Variants in RPL26L1 observed in about 807,000 individuals in gnomAD.
RPL26L1 encodes the protein ribosomal protein L26 like 1, also known as ribosomal protein uL24-like.
A neutral mutation model predicts 15.2 loss-of-function variants in RPL26L1; 8 were observed. That is an observed-to-expected ratio of 0.53 (90% CI 0.31 to 0.95). The LOEUF is 0.95. Among genes scored for constraint, RPL26L1 ranks in the 40% least tolerant of loss-of-function variants. The pLI is 0.05. For synonymous variants in RPL26L1, 51 were observed against 65.9 expected (o/e 0.77, Z 1.09); for missense variants, 146 against 190.9 (o/e 0.76, Z 1.39).
At chr5:172,955,102 A>G (rs1017456090), upstream of RPL26L1, 55 of 440,198 alleles carry the variant, frequency 1.2e-4, no homozygotes, top group Admixed American at 1.4e-3. Context: ...GTGTGGCACT[A>G]GAGTTCATAA....
At chr5:172,964,300 T>TTTTTTTTTC in intron 2 of RPL26L1, among the ~76,000 whole-genome samples, 2 of 143,250 alleles carry the variant, frequency 1.4e-5, no homozygotes, top group East Asian at 4.1e-4. Flanking sequence ...TTTTTTTTTT[T>TTTTTTTTTC]TTGAGACAGA....
upstream of RPL26L1, chr5:172,955,411 G>A (rs991211012): frequency 3.6e-5 from 6 of 168,924 alleles, no homozygotes; most frequent in South Asian, 8.7e-4. Context: ...TTACAGGCGT[G>A]AGCCACTGCG....
At chr5:172,960,147 G>A in intron 2 of RPL26L1, 106 bp downstream of exon 2, 1 of 1,342,592 alleles carries the variant, frequency 7.4e-7, no homozygotes, top group Non-Finnish European at 1.1e-6. Context: ...AAAGTAGTGT[G>A]ACCCTTCAGA....
At chr5:172,959,271 A>G (rs1391009869), upstream of RPL26L1, 5 of 575,434 alleles carry the variant, frequency 8.7e-6, no homozygotes, top group African/African-American at 1.0e-4. Flanking sequence ...GCCCTACACA[A>G]GCAGGCCCTT....
intron 2 of RPL26L1, among the ~76,000 whole-genome samples, chr5:172,966,863 T>G (rs1158175023): frequency 1.4e-5 from 2 of 140,764 alleles, no homozygotes; most frequent in East Asian, 2.1e-4. Context: ...TACCTGGTGG[T>G]TTTTTTTTTT....
chr5:172,954,728 G>T, upstream of RPL26L1: 1 of 343,964 alleles, frequency 2.9e-6, no homozygotes, highest in South Asian at 2.3e-5. Context: ...TCTCTGTAAG[G>T]TAGAGCCTTA....
At chr5:172,967,467 A>AAAATAAAT (rs568434838) in intron 2 of RPL26L1, among the ~76,000 whole-genome samples, 5 of 151,958 alleles carry the variant, frequency 3.3e-5, no homozygotes, top group South Asian at 4.2e-4. Context: ...CTCCGTGTCA[A>AAAATAAAT]AAATAAATAA....
upstream of RPL26L1, chr5:172,959,408 C>A (rs1005873725): frequency 1.0e-6 from 1 of 1,004,806 alleles, no homozygotes; most frequent in Non-Finnish European, 1.2e-6. Flanking sequence ...TCTGCGCTTG[C>A]GCGGCACGGA....
At chr5:172,966,234 C>T (rs1220938145) in intron 2 of RPL26L1, among the ~76,000 whole-genome samples, 1 of 151,386 alleles carries the variant, frequency 6.6e-6, no homozygotes, top group Non-Finnish European at 1.5e-5. Context: ...GACTCAACCT[C>T]CTGGGTTCAA....
At chr5:172,969,290 C>A in intron 3 of RPL26L1, 123 bp from the exon 4 acceptor site, 3 of 980,428 alleles carry the variant, frequency 3.1e-6, no homozygotes, top group Non-Finnish European at 4.6e-6. Flanking sequence ...GGTCTGTTTT[C>A]CTTCCAGAGT....
At chr5:172,958,528 C>T (rs1022773961), upstream of RPL26L1, 44 of 424,464 alleles carry the variant, frequency 1.0e-4, no homozygotes, top group Middle Eastern at 4.9e-4. Context: ...CCCGTCGGTT[C>T]TTAACCCGAA....
At chr5:172,957,385 T>C (rs1407673723), upstream of RPL26L1, 1 of 400,188 alleles carries the variant, frequency 2.5e-6, no homozygotes, top group Non-Finnish European at 5.0e-6. Flanking sequence ...TACTCCTTGA[T>C]GATCTTGGGT....
At chr5:172,960,687 T>C (rs1338565461) in intron 2 of RPL26L1, among the ~76,000 whole-genome samples, 3 of 152,106 alleles carry the variant, frequency 2.0e-5, no homozygotes, top group Non-Finnish European at 4.4e-5. Context: ...CCCTCTGTTC[T>C]CTGTGATTGG....
chr5:172,962,504 T>A (rs1755270094), intron 2 of RPL26L1, among the ~76,000 whole-genome samples: 1 of 149,724 alleles, frequency 6.7e-6, no homozygotes, highest in African/African-American at 2.5e-5. Flanking sequence ...TGAGACTCTG[T>A]CTCAAAAACA....
At chr5:172,958,186 C>T (rs1374102224), upstream of RPL26L1, 1 of 360,776 alleles carries the variant, frequency 2.8e-6, no homozygotes, top group Non-Finnish European at 5.5e-6. Context: ...ATCGCTTGAA[C>T]TTGGGAGGCG....
Position 172,960,056 on chromosome 5 carries a change from G to A in RPL26L1, c.168+15G>A. On this transcript the variant is annotated intron_variant, in intron 2 of 3. Coordinates refer to ENST00000265100, the MANE Select transcript of RPL26L1 (RefSeq NM_016093.4). Reference sequence around the variant, plus strand: ...ACGAGGTCCAGGTACGTCTCCCTCCGGCGCTAGTGGCGCTCGGACACCGTT... The same window carrying A: ...ACGAGGTCCAGGTACGTCTCCCTCCAGCGCTAGTGGCGCTCGGACACCGTT... 1 of 1,613,748 alleles carries A rather than the reference G, an allele frequency of 6.2e-7. No homozygotes were observed. The highest frequency in any genetic ancestry group is 8.5e-7 in the Non-Finnish European group (1 of 1,179,902).
At chr5:172,965,159 A>G (rs758339192) in intron 2 of RPL26L1, among the ~76,000 whole-genome samples, 1 of 152,090 alleles carries the variant, frequency 6.6e-6, no homozygotes, top group Non-Finnish European at 1.5e-5. Flanking sequence ...GCACTCCAGC[A>G]TGGGTAACAC....
chr5:172,964,183 C>T (rs1337320797), intron 2 of RPL26L1, among the ~76,000 whole-genome samples: 1 of 151,434 alleles, frequency 6.6e-6, no homozygotes, highest in Non-Finnish European at 1.5e-5. Flanking sequence ...CTTTGCTGCC[C>T]AGGCTGGTCT....
intron 2 of RPL26L1, among the ~76,000 whole-genome samples, chr5:172,966,107 G>A (rs892415712): frequency 6.6e-6 from 1 of 151,660 alleles, no homozygotes; most frequent in African/African-American, 2.4e-5. Context: ...TCCAGAGGTT[G>A]TCCACTTCTC....
Sources: allele counts gnomAD v4.1 joint callset (sites outside exome capture counted in the v4.1 genomes callset), GRCh38; gene constraint gnomAD v4.1.1; transcripts MANE v1.5; gene names NCBI Gene and HGNC (gene_info 2026-07-23, HGNC 2026-07-21).